The following LRRC4C variants were observed in gnomAD, a reference collection of about 807,000 sequenced individuals.
LRRC4C encodes the protein leucine rich repeat containing 4C, also known as leucine-rich repeat-containing protein 4C.
Under a neutral mutation model 33.6 loss-of-function variants are expected in LRRC4C, and 5 were observed. The observed-to-expected ratio is 0.15, with a 90% CI of 0.08 to 0.31. LRRC4C has a LOEUF of 0.31. Among genes scored for constraint, LRRC4C ranks in the 10% least tolerant of loss-of-function variants. The probability of loss-of-function intolerance (pLI) is 1.00; values close to 1 mark genes in which losing one functional copy is unlikely to be tolerated. For missense variants in LRRC4C, 560 were observed against 796.7 expected (o/e 0.70, Z 3.58); for synonymous variants, 329 against 302.0 (o/e 1.09, Z -0.93).
At chr11:41,052,857 T>C (rs1858340744) in intron 1 of LRRC4C, among the ~76,000 whole-genome samples, 1 of 152,218 alleles carries the variant, frequency 6.6e-6, no homozygotes, top group African/African-American at 2.4e-5. Flanking sequence ...CTTTGATACA[T>C]TTTTGGCAAA....
Position 41,312,646 on chromosome 11 carries a change from G to A in LRRC4C, c.-496+146785C>T, listed in dbSNP as rs191945133. ...TTTTCTGTGTTGTACTACAGTTCAG[G>A]TTTCCCTGGATCATAAGGAAACAGT... On this transcript the variant is annotated intron_variant, in intron 1 of 6. Coordinates refer to ENST00000528697, the MANE Select transcript of LRRC4C (RefSeq NM_001258419.2). Among the ~76,000 whole-genome samples, 16 of 152,228 alleles carry A rather than the reference G, an allele frequency of 1.1e-4. No individual in the cohort carries two copies. The East Asian group carries it at 3.1e-3, about 29-fold the overall frequency.
intron 2 of LRRC4C, among the ~76,000 whole-genome samples, chr11:40,736,860 G>GTT (rs34208575): frequency 7.0e-6 from 1 of 142,472 alleles, no homozygotes; most frequent in African/African-American, 2.6e-5. Flanking sequence ...TGATGCGGTT[G>GTT]TTTTTTTTTT....
At chr11:41,243,783 C>T (rs1171213536) in intron 1 of LRRC4C, among the ~76,000 whole-genome samples, 1 of 152,096 alleles carries the variant, frequency 6.6e-6, no homozygotes, top group Non-Finnish European at 1.5e-5. Context: ...TTAACCAGGG[C>T]TAGACCACTA....
At chr11:41,420,585 C>T (rs1345270554) in intron 1 of LRRC4C, among the ~76,000 whole-genome samples, 1 of 152,002 alleles carries the variant, frequency 6.6e-6, no homozygotes, top group Non-Finnish European at 1.5e-5. Flanking sequence ...TTCGTTGGTG[C>T]TTTTTGTCCT....
chr11:41,128,271 A>AC (rs1942845396), intron 1 of LRRC4C, among the ~76,000 whole-genome samples: 1 of 152,004 alleles, frequency 6.6e-6, no homozygotes, highest in Admixed American at 6.6e-5. Context: ...ACCTCCAAAA[A>AC]AAAAAATCAT....
chr11:41,394,487 C>T (rs1042178657), intron 1 of LRRC4C: 1 of 151,858 alleles, frequency 6.6e-6, no homozygotes, highest in Non-Finnish European at 1.5e-5. Context: ...TATGGATTTC[C>T]AGAAAAGCCA....
chr11:40,532,613 G>T (rs1285089329), intron 3 of LRRC4C, among the ~76,000 whole-genome samples: 1 of 150,762 alleles, frequency 6.6e-6, no homozygotes, highest in Non-Finnish European at 1.5e-5. Context: ...AGGGGTATAA[G>T]ATGAAAAACA....
At chr11:40,899,964 C>A (rs1440306602) in intron 2 of LRRC4C, among the ~76,000 whole-genome samples, 1 of 152,038 alleles carries the variant, frequency 6.6e-6, no homozygotes, top group Non-Finnish European at 1.5e-5. Context: ...ATGTAAATAT[C>A]CTGTACCCCA....
intron 3 of LRRC4C, among the ~76,000 whole-genome samples, chr11:40,476,591 G>A (rs929983316): frequency 1.3e-5 from 2 of 151,918 alleles, no homozygotes; most frequent in Admixed American, 6.6e-5. Flanking sequence ...TGATCCACCC[G>A]CCTCAGCCTC....
At chr11:40,755,081 T>C (rs1340937906) in intron 2 of LRRC4C, among the ~76,000 whole-genome samples, 1 of 152,118 alleles carries the variant, frequency 6.6e-6, no homozygotes, top group Non-Finnish European at 1.5e-5. Flanking sequence ...TCAAAGAGTT[T>C]ATCTATTGAG....
intron 3 of LRRC4C, among the ~76,000 whole-genome samples, chr11:40,473,686 T>C (rs956583889): frequency 2.6e-5 from 4 of 152,182 alleles, no homozygotes; most frequent in African/African-American, 4.8e-5. Context: ...GATGACATGA[T>C]GGTATATTTA....
At chr11:40,618,070 C>T (rs1231758215) in intron 3 of LRRC4C, among the ~76,000 whole-genome samples, 3 of 151,568 alleles carry the variant, frequency 2.0e-5, no homozygotes, top group Non-Finnish European at 4.4e-5. Flanking sequence ...TTTGAACCAG[C>T]GTGAATTAGG....
chr11:41,376,400 A>C (rs1175971266), intron 1 of LRRC4C, among the ~76,000 whole-genome samples: 1 of 152,206 alleles, frequency 6.6e-6, no homozygotes, highest in East Asian at 1.9e-4. Context: ...GAATTGAATT[A>C]GATGACACAA....
At chr11:41,379,378 G>A (rs1233128919) in intron 1 of LRRC4C, among the ~76,000 whole-genome samples, 1 of 152,110 alleles carries the variant, frequency 6.6e-6, no homozygotes, top group Non-Finnish European at 1.5e-5. Context: ...CACAGAGTGA[G>A]TGGTAGAAAA....
At chr11:41,331,037 G>A (rs548669107) in intron 1 of LRRC4C, among the ~76,000 whole-genome samples, 249 of 152,034 alleles carry the variant, frequency 1.6e-3, no homozygotes, top group African/African-American at 5.8e-3. Flanking sequence ...AAATCTACTG[G>A]GATTATAGTA....
rs146998552 is a variant in LRRC4C, at chr11:40,482,755, G to A, written c.-269-163034C>T. Among the ~76,000 whole-genome samples, 893 of 152,258 alleles carry A rather than the reference G, an allele frequency of 5.9e-3. 11 individuals carry two copies. Among genetic ancestry groups the A allele is most frequent in the African/African-American group, 0.021 (855 of 41,556 alleles). On this transcript the variant is annotated intron_variant, in intron 3 of 6. Coordinates refer to ENST00000528697, the MANE Select transcript of LRRC4C (RefSeq NM_001258419.2). ...CAAAGAGCTGGGATTACAGGTATGA[G>A]CCACTGCACCTGCCTGGTCACACAT...
At chr11:41,000,404 C>T (rs1008875538) in intron 1 of LRRC4C, among the ~76,000 whole-genome samples, 6 of 152,082 alleles carry the variant, frequency 3.9e-5, no homozygotes, top group Non-Finnish European at 2.9e-5. Context: ...GAATAGAGGT[C>T]ACAAATATGT....
chr11:40,385,466 A>C (rs2137394527), intron 3 of LRRC4C, among the ~76,000 whole-genome samples: 1 of 152,304 alleles, frequency 6.6e-6, no homozygotes, highest in Middle Eastern at 3.4e-3. Context: ...ACATGTTCTC[A>C]CTTATAAATG....
At chr11:41,127,739 A>AT (rs11437311) in intron 1 of LRRC4C, among the ~76,000 whole-genome samples, 137,402 of 152,068 alleles carry the variant, frequency 0.9, 62,791 homozygotes, top group East Asian at 1. Context: ...TCTATTCAAC[A>AT]AAACATTGCT....
Sources: gnomAD v4.1 joint callset for allele counts (sites outside exome capture counted in the v4.1 genomes callset) on GRCh38, gnomAD v4.1.1 for gene constraint, MANE v1.5 for transcripts, NCBI Gene and HGNC (gene_info 2026-07-23, HGNC 2026-07-21) for gene names.